The following LRRC4B variants were observed in gnomAD, a reference collection of about 807,000 sequenced individuals.
LRRC4B encodes the protein leucine-rich repeat-containing protein 4B.
A neutral mutation model predicts 7.3 loss-of-function variants in LRRC4B; 1 was observed. That is an observed-to-expected ratio of 0.14 (90% CI 0.05 to 0.65). The LOEUF is 0.65. LRRC4B is among the 30% of genes least tolerant of loss of function. The probability of loss-of-function intolerance (pLI) is 0.84; values close to 1 mark genes in which losing one functional copy is unlikely to be tolerated. For missense variants in LRRC4B, 730 were observed against 1,041.6 expected, an observed-to-expected ratio of 0.70 and a Z score of 4.12; for synonymous variants, 500 against 499.2, an observed-to-expected ratio of 1.00 and a Z score of -0.02.
In LRRC4B at chr19:50,548,724, C is replaced by T. The variant is rs1192345980; in HGVS notation, c.115G>A (p.Gly39Ser). ...GCGGCAGACGTCACGGCCACTCCAC[C>T]TCCACCGGCCCCCAGGGGTGGGGAG... ...LFSPPLGAGG[G>S]GVAVTSAAGG... Residue 39 changes from glycine to serine, a missense_variant, in exon 2 of 3, where the codon GGT (glycine) becomes AGT (serine). Gly to Ser is a moderately conservative substitution (Grantham distance 56, BLOSUM62 0). This residue lies in a region of LRRC4B where 143 missense variants were observed against 158.4 expected (regional missense o/e 0.90). Coordinates refer to ENST00000652263, the MANE Select transcript of LRRC4B (RefSeq NM_001080457.2). This position sits in a 1 kb window ranked among gnomAD's most constrained non-coding sequence, Gnocchi z 6.8. 1.9e-6 allele frequency: 3 copies of T among 1,541,026 alleles called. No individual in the cohort carries two copies. The highest frequency in any genetic ancestry group is 3.9e-5 in the Admixed American group (2 of 51,010).
At chr19:50,567,129 TG>T (rs562336597) in intron 1 of LRRC4B, among the ~76,000 whole-genome samples, 455 of 19,502 alleles carry the variant, frequency 0.023, 1 homozygote, top group African/African-American at 0.076. Context: ...AGGCAGCAAA[TG>T]GGGGGCGGGG....
At chr19:50,527,977 G>C (rs914775440) in intron 2 of LRRC4B, among the ~76,000 whole-genome samples, 1 of 151,764 alleles carries the variant, frequency 6.6e-6, no homozygotes, top group African/African-American at 2.4e-5. Context: ...TCCTGACCTC[G>C]TGATCTGCCT....
In LRRC4B at chr19:50,563,121, G is replaced by A. The variant is rs1982523454; in HGVS notation, c.-36+4823C>T. 6.6e-6 allele frequency among the ~76,000 whole-genome samples: 1 copy of A among 152,060 alleles called. No individual in the cohort carries two copies. The highest frequency in any genetic ancestry group is 1.5e-5 in the Non-Finnish European group (1 of 67,996). On this transcript the variant is annotated intron_variant, in intron 1 of 2. Transcript: ENST00000652263. The surrounding 1 kb of genome is among the most constrained non-coding windows in gnomAD (Gnocchi z 4.9). ...ATTCTCACTCTCAGCAGCCCTCCTG[G>A]GGAAACAGCAGTCCCCTGGGCTCCC...
intron 1 of LRRC4B, among the ~76,000 whole-genome samples, chr19:50,562,730 GTTTT>G (rs778453544): frequency 7.3e-6 from 1 of 136,144 alleles, no homozygotes; most frequent in Non-Finnish European, 1.6e-5. Flanking sequence ...TCCATCCAGG[GTTTT>G]TTTTTTTGTT....
chr19:50,524,454 A>G (rs941781078), intron 2 of LRRC4B, among the ~76,000 whole-genome samples: 5 of 152,142 alleles, frequency 3.3e-5, no homozygotes, highest in Middle Eastern at 3.4e-3. Flanking sequence ...GGGTCTCCCT[A>G]TGTTGCCCAG....
rs1457733493 is a variant in LRRC4B, at chr19:50,517,036, C to T, written c.*535G>A. 1.3e-5 allele frequency: 2 copies of T among 151,962 alleles called. No homozygotes were observed. Among genetic ancestry groups the T allele is most frequent in the South Asian group, 4.1e-4 (2 of 4,824 alleles). 9.4% of individuals were successfully genotyped at this position (151,962 alleles called of 1,614,324 possible). The stretch of plus-strand genomic sequence containing the variant: ...TGGGGCTGGGGCGGGTGGAGGCTCC[C>T]CCCCGCGCCGACGACAGGGACCGCC... On this transcript the variant is annotated 3_prime_UTR_variant, in exon 3 of 3. Transcript: ENST00000652263. This position sits in a 1 kb window ranked among gnomAD's most constrained non-coding sequence, Gnocchi z 6.6.
chr19:50,545,625 G>T (rs749166981), intron 2 of LRRC4B, among the ~76,000 whole-genome samples: 2 of 151,830 alleles, frequency 1.3e-5, no homozygotes, highest in Non-Finnish European at 2.9e-5. Flanking sequence ...AGCCAGGAAG[G>T]CATTAGAACA....
Position 50,519,343 on chromosome 19 carries a change from T to C in LRRC4B, c.370A>G (p.Lys124Glu). The change falls in exon 3 of 3, where the codon AAG (lysine) becomes GAG (glutamate). Residue 124 changes from lysine to glutamate, a missense_variant. Physicochemically the swap from Lys to Glu is moderately conservative, Grantham distance 56 (BLOSUM62 1). Coordinates refer to ENST00000652263, the MANE Select transcript of LRRC4B (RefSeq NM_001080457.2). This position sits in a 1 kb window ranked among gnomAD's most constrained non-coding sequence, Gnocchi z 8.1. Reference protein sequence around the residue: ...ILQLSKNLVRKIEVGAFNGLP... With the variant: ...ILQLSKNLVREIEVGAFNGLP... Reference sequence around the variant, plus strand: ...CCGTTGAAGGCGCCCACCTCGATCTTGCGCACCAGGTTCTTGCTCAGCTGC... The same window carrying C: ...CCGTTGAAGGCGCCCACCTCGATCTCGCGCACCAGGTTCTTGCTCAGCTGC... 1 of 1,612,284 alleles carries C rather than the reference T, an allele frequency of 6.2e-7. No individual in the cohort carries two copies. Among genetic ancestry groups the C allele is most frequent in the Non-Finnish European group, 8.5e-7 (1 of 1,179,962 alleles).
rs528523692 is a variant in LRRC4B, at chr19:50,554,070, G to A, written c.-35-5197C>T. On this transcript the variant is annotated intron_variant, in intron 1 of 2. Transcript: ENST00000652263. ...GTGCAGTGGCGCGATCTCAGCTCAT[G>A]GCAACCTCTACCTCCTGGGTTCAAG... Among the ~76,000 whole-genome samples, 158 of 145,066 alleles carry A rather than the reference G, an allele frequency of 1.1e-3. 1 individual carries two copies. Among genetic ancestry groups the A allele is most frequent in the African/African-American group, 3.7e-3 (145 of 39,012 alleles).
intron 1 of LRRC4B, among the ~76,000 whole-genome samples, chr19:50,566,823 G>A (rs1247741728): frequency 6.6e-6 from 1 of 151,226 alleles, no homozygotes; most frequent in Non-Finnish European, 1.5e-5. Flanking sequence ...GGGTCTCTGG[G>A]TGATGAAAGG....
In LRRC4B at chr19:50,548,039, A is replaced by G. The variant is rs921616747; in HGVS notation, c.297+503T>C. On this transcript the variant is annotated intron_variant, in intron 2 of 2. Coordinates refer to ENST00000652263, the MANE Select transcript of LRRC4B (RefSeq NM_001080457.2). This position sits in a 1 kb window ranked among gnomAD's most constrained non-coding sequence, Gnocchi z 6.8. Reference sequence around the variant, plus strand: ...ACCACTCGCCAGGTGCCAGCACACAAGCTAACGCCCCAATAAGTACCAGAC... The same window carrying G: ...ACCACTCGCCAGGTGCCAGCACACAGGCTAACGCCCCAATAAGTACCAGAC... 5.9e-5 allele frequency among the ~76,000 whole-genome samples: 9 copies of G among 152,156 alleles called. No homozygotes were observed. The highest frequency in any genetic ancestry group is 3.3e-4 in the Admixed American group (5 of 15,282).
intron 1 of LRRC4B, among the ~76,000 whole-genome samples, chr19:50,562,742 G>GTTT (rs552875438): frequency 3.1e-5 from 4 of 128,358 alleles, no homozygotes; most frequent in Admixed American, 7.9e-5. Context: ...TTTTTTTTTT[G>GTTT]TTTTTTTTTT....
intron 2 of LRRC4B, among the ~76,000 whole-genome samples, chr19:50,547,107 C>T (rs887274181): frequency 6.6e-6 from 1 of 152,176 alleles, no homozygotes; most frequent in African/African-American, 2.4e-5. Flanking sequence ...GGAATGTCAC[C>T]TGCTCAAGGG....
In LRRC4B at chr19:50,556,830, G is replaced by A. The variant is rs1401378859; in HGVS notation, c.-35-7957C>T. On this transcript the variant is annotated intron_variant, in intron 1 of 2. Transcript: ENST00000652263. This position sits in a 1 kb window ranked among gnomAD's most constrained non-coding sequence, Gnocchi z 4.2. Reference sequence around the variant, plus strand: ...CTCTAGGGAGGCAAGTGTGGGGGTGGGGGAGCCGTCCGAGGGCTAAGTGAG... The same window carrying A: ...CTCTAGGGAGGCAAGTGTGGGGGTGAGGGAGCCGTCCGAGGGCTAAGTGAG... Among the ~76,000 whole-genome samples, 2 of 152,144 alleles carry A rather than the reference G, an allele frequency of 1.3e-5. No homozygotes were observed. Among genetic ancestry groups the A allele is most frequent in the Non-Finnish European group, 2.9e-5 (2 of 68,018 alleles).
intron 2 of LRRC4B, among the ~76,000 whole-genome samples, chr19:50,538,456 T>C (rs1355218233): frequency 6.6e-6 from 1 of 152,176 alleles, no homozygotes; most frequent in Non-Finnish European, 1.5e-5. Flanking sequence ...ATCAGCCGCC[T>C]GGAAAATGCG....
intron 2 of LRRC4B, among the ~76,000 whole-genome samples, chr19:50,533,592 C>T (rs1357303945): frequency 2.0e-5 from 3 of 152,234 alleles, no homozygotes; most frequent in African/African-American, 4.8e-5. Context: ...TTCTTCTCTT[C>T]TCCTCCCAAA....
In LRRC4B at chr19:50,563,924, G is replaced by A. The variant is rs911363709; in HGVS notation, c.-36+4020C>T. ...GAAGGAGGCCATTTAAGTGGAAACA[G>A]GGCCCAGTCAAAGTGAGGCTTGGAG... is the stretch of plus-strand genomic sequence containing the variant. On this transcript the variant is annotated intron_variant, in intron 1 of 2. Transcript: ENST00000652263. This position sits in a 1 kb window ranked among gnomAD's most constrained non-coding sequence, Gnocchi z 4.9. Among the ~76,000 whole-genome samples the A allele has an allele frequency of 3.3e-5, 5 of 152,148 alleles. No individual in the cohort carries two copies. The highest frequency in any genetic ancestry group is 1.2e-4 in the African/African-American group (5 of 41,418).
rs571295125 is a variant in LRRC4B at position 50,555,004 on chromosome 19, C to A, written c.-35-6131G>T. 2.6e-5 allele frequency among the ~76,000 whole-genome samples: 4 copies of A among 152,306 alleles called. No homozygotes were observed. The highest frequency in any genetic ancestry group is 1.9e-4 in the East Asian group (1 of 5,182). On this transcript the variant is annotated intron_variant, in intron 1 of 2. Transcript: ENST00000652263. The surrounding 1 kb of genome is among the most constrained non-coding windows in gnomAD (Gnocchi z 5.2). Reference sequence around the variant, plus strand: ...GCTGAACAGCCACCCTTCCTCAGCCCCTGCAGTCACCCGCACTGCACAGGA... The same window carrying A: ...GCTGAACAGCCACCCTTCCTCAGCCACTGCAGTCACCCGCACTGCACAGGA...
In LRRC4B at chr19:50,548,756, C is replaced by A; in HGVS notation, c.83G>T (p.Trp28Leu). Residue 28 changes from tryptophan to leucine, a missense_variant, in exon 2 of 3, where the codon TGG becomes TTG. Trp to Leu is a moderately conservative substitution (Grantham distance 61). Coordinates refer to ENST00000652263, the MANE Select transcript of LRRC4B (RefSeq NM_001080457.2). The surrounding 1 kb of genome is among the most constrained non-coding windows in gnomAD (Gnocchi z 6.8). The stretch of plus-strand genomic sequence containing the variant: ...GGCCCCCAGGGGTGGGGAGAAGAGC[C>A]AGAGGAAGAGCAATGCCCCGTGGGG... ...SWPHGALLFL[W>L]LFSPPLGAGG... is the part of the protein sequence containing the mutation. The A allele has an allele frequency of 6.5e-7, 1 of 1,540,012 alleles. No homozygotes were observed.
Sources: gnomAD v4.1 joint callset for allele counts (sites outside exome capture counted in the v4.1 genomes callset) on GRCh38, gnomAD v4.1.1 for gene constraint, gnomAD v4.1.1 regional missense constraint, Gnocchi (gnomAD v3.1) non-coding constraint, MANE v1.5 for transcripts, NCBI Gene and HGNC (gene_info 2026-07-23, HGNC 2026-07-21) for gene names.